The following SCAF1 variants were observed in gnomAD, a reference collection of about 807,000 sequenced individuals.
The protein encoded by SCAF1 is SR-related CTD associated factor 1.
SCAF1 carries 28 observed loss-of-function variants against 91.2 expected under a neutral mutation model. The observed-to-expected ratio is 0.31, with a 90% CI of 0.23 to 0.42. The LOEUF is 0.42. Among genes scored for constraint, SCAF1 ranks in the 10% least tolerant of loss-of-function variants. The pLI is 1.00. For synonymous variants in SCAF1, 1,036 were observed against 833.7 expected (o/e 1.24, Z -4.18); for missense variants, 1,893 against 1,872.1 (o/e 1.01, Z -0.21).
At chr19:49,650,016 C>T (rs746048479) in intron 6 of SCAF1, among the ~76,000 whole-genome samples, 26 of 152,224 alleles carry the variant, frequency 1.7e-4, no homozygotes, top group Admixed American at 5.2e-4. Context: ...TGTCAGCCAT[C>T]TCCATCGTGT....
chr19:49,651,012 C>CGGGG lies in SCAF1; in HGVS notation c.623_624insGGGG (p.Pro209GlyfsTer22). The CGGGG allele has an allele frequency of 1.2e-6, 1 of 838,314 alleles. No individual in the cohort carries two copies. Among genetic ancestry groups the CGGGG allele is most frequent in the Non-Finnish European group, 1.8e-6 (1 of 561,476 alleles). The allele number at this position is 838,314 out of a possible 1,614,324, so 51.9% of individuals were successfully genotyped here. A position where few individuals can be genotyped will look rare whatever the true frequency, so the allele number is the denominator to read the frequency against. On this transcript the variant is annotated frameshift_variant, in exon 7 of 11. Transcript: ENST00000360565. LOFTEE classifies it high-confidence loss of function. ...TCTCCCTCATCTTCCTCCCCTTCCC[C>CGGGG]TCCCCCACCCCCACCGCCCCCTGCA...
rs1306848398 is a variant in SCAF1 at position 49,651,809 on chromosome 19, GA to G, written c.1421del (p.Asp474AlafsTer14). 1.6e-6 allele frequency: 2 copies of G among 1,263,716 alleles called. No individual in the cohort carries two copies. The highest frequency in any genetic ancestry group is 3.2e-5 in the African/African-American group (2 of 62,280). The allele number at this position is 1,263,716 out of a possible 1,614,324, so 78.3% of individuals were successfully genotyped here. On this transcript the variant is annotated frameshift_variant, in exon 7 of 11. Transcript: ENST00000360565. LOFTEE classifies it high-confidence loss of function. ...GEPAPAPPAA[D>X]SRWGGLDLRR... ...GCCGGCTCCCGCGCCGCCCGCCGCCGACTCGCGCTGGGGCGGCCTGGACCTG... is the reference window on the plus strand; with the variant it reads ...GCCGGCTCCCGCGCCGCCCGCCGCCGCTCGCGCTGGGGCGGCCTGGACCTG...
In SCAF1 at chr19:49,658,335, G is replaced by T; in HGVS notation, c.3875G>T (p.Arg1292Leu). 6.3e-7 allele frequency: 1 copy of T among 1,585,642 alleles called. No homozygotes were observed. Among genetic ancestry groups the T allele is most frequent in the Non-Finnish European group, 8.6e-7 (1 of 1,168,006 alleles). ...RKPGDPPGPP[R>L]PPKEPGPPDK... Reference sequence around the variant, plus strand: ...CCAGGGGACCCCCCAGGGCCCCCACGGCCGCCCAAGGAGCCAGGGCCCCCA... The same window carrying T: ...CCAGGGGACCCCCCAGGGCCCCCACTGCCGCCCAAGGAGCCAGGGCCCCCA... Residue 1292 changes from arginine (R) to leucine (L), a missense_variant, in exon 11 of 11, where the codon CGG becomes CTG. This residue lies in a region of SCAF1 where 51 missense variants were observed against 49.9 expected (regional missense o/e 1.02). Transcript: ENST00000360565.
Position 49,646,866 on chromosome 19 carries a change from G to T in SCAF1, c.478+36G>T, listed in dbSNP as rs200030055. ...CCAGGGCGGAGCTGGGCAGGTGGTC[G>T]TGGAGTTGTGTGGGGATCGGCTGTT... On this transcript the variant is annotated intron_variant, in intron 6 of 10. Transcript: ENST00000360565. The surrounding 1 kb of genome is among the most constrained non-coding windows in gnomAD (Gnocchi z 5.6). 8.6e-6 allele frequency: 13 copies of T among 1,503,876 alleles called. No homozygotes were observed. Among genetic ancestry groups the T allele is most frequent in the African/African-American group, 2.8e-5 (2 of 72,116 alleles). The allele number at this position is 1,503,876 out of a possible 1,614,324, so 93.2% of individuals were successfully genotyped here.
rs916632490 is a variant in SCAF1, at chr19:49,658,409, C to G, written c.*10C>G. ...CCTGCCCCCTCTCTGAGAGCCCTGGCCAGCTCTTCGCCCCTCACCTCTTTG... is the reference window on the plus strand; with the variant it reads ...CCTGCCCCCTCTCTGAGAGCCCTGGGCAGCTCTTCGCCCCTCACCTCTTTG... On this transcript the variant is annotated 3_prime_UTR_variant, in exon 11 of 11. Transcript: ENST00000360565. 5 of 1,499,890 alleles carry G rather than the reference C, an allele frequency of 3.3e-6. No individual in the cohort carries two copies. The African/African-American group carries it at 7.0e-5, about 21-fold the overall frequency. The allele number at this position is 1,499,890 out of a possible 1,614,324, so 92.9% of individuals were successfully genotyped here. A position where few individuals can be genotyped will look rare whatever the true frequency, so the allele number is the denominator to read the frequency against.
rs540697505 is a variant in SCAF1 at position 49,646,515 on chromosome 19, G to T, written c.262-11G>T. The T allele has an allele frequency of 9.3e-6, 15 of 1,612,512 alleles. No homozygotes were observed. Among genetic ancestry groups the T allele is most frequent in the African/African-American group, 2.7e-5 (2 of 74,988 alleles). On this transcript the variant is annotated splice_polypyrimidine_tract_variant and intron_variant, in intron 4 of 10. Coordinates refer to ENST00000360565, the MANE Select transcript of SCAF1 (RefSeq NM_021228.3). This position sits in a 1 kb window ranked among gnomAD's most constrained non-coding sequence, Gnocchi z 5.6. ...CCAGGGACGGCGTAGAGCCTCTCTG[G>T]CCTCTTCCAGGTGTTGGACATGGCC...
intron 7 of SCAF1, 137 bp downstream of exon 7, chr19:49,653,842 T>A: frequency 2.4e-6 from 2 of 821,852 alleles, no homozygotes; most frequent in Non-Finnish European, 3.5e-6. Context: ...TGGGGGTGAG[T>A]AAAGGCCAGC....
intron 6 of SCAF1, among the ~76,000 whole-genome samples, chr19:49,648,700 C>T (rs905099438): frequency 1.5e-4 from 22 of 151,582 alleles, no homozygotes; most frequent in Admixed American, 1.1e-3. Flanking sequence ...GGGCTGGGCA[C>T]GGTGGCTCAC....
In SCAF1 at chr19:49,652,599, T is replaced by A. The variant is rs775658152; in HGVS notation, c.2210T>A (p.Leu737Gln). The A allele has an allele frequency of 6.4e-7, 1 of 1,566,280 alleles. No homozygotes were observed. The highest frequency in any genetic ancestry group is 1.2e-5 in the South Asian group (1 of 85,928). ...GAGGTCCTGTACGACTCCGAGGGACTGAGCGGCGAGGAGCGGGGCGGCAAG... is the reference window on the plus strand; with the variant it reads ...GAGGTCCTGTACGACTCCGAGGGACAGAGCGGCGAGGAGCGGGGCGGCAAG... Reference protein sequence around the residue: ...KREVLYDSEGLSGEERGGKSS... With the variant: ...KREVLYDSEGQSGEERGGKSS... Residue 737 changes from leucine (L) to glutamine (Q), a missense_variant, in exon 7 of 11, where the codon CTG becomes CAG. Physicochemically the swap from Leu to Gln is moderately radical, Grantham distance 113. Transcript: ENST00000360565.
At position 49,646,767 on chromosome 19, in the gene SCAF1, C is replaced by G; in HGVS notation, c.415C>G (p.Pro139Ala). ...VAEVRIGDRD[P>A]IPLPVPSLLP... The stretch of plus-strand genomic sequence containing the variant: ...TGAGGTCCGAATCGGGGACAGAGAT[C>G]CCATCCCTCTGCCTGTGCCCAGCCT... The change falls in exon 6 of 11, where the codon CCC (proline) becomes GCC (alanine). Residue 139 changes from proline (P) to alanine (A), a missense_variant. By Grantham distance (27) the Pro-to-Ala change is conservative. This residue lies in a region of SCAF1 where 270 missense variants were observed against 292.5 expected (regional missense o/e 0.92). Coordinates refer to ENST00000360565, the MANE Select transcript of SCAF1 (RefSeq NM_021228.3). The surrounding 1 kb of genome is among the most constrained non-coding windows in gnomAD (Gnocchi z 5.6). 1.2e-6 allele frequency: 2 copies of G among 1,613,900 alleles called. No individual in the cohort carries two copies. Among genetic ancestry groups the G allele is most frequent in the South Asian group, 2.2e-5 (2 of 91,050 alleles).
intron 6 of SCAF1, among the ~76,000 whole-genome samples, chr19:49,648,569 C>CCG (rs1364112894): frequency 6.6e-6 from 1 of 150,736 alleles, no homozygotes; most frequent in East Asian, 1.9e-4. Flanking sequence ...CACCCCCCCC[C>CCG]CTTTTTTTTT....
At chr19:49,649,778 A>AG (rs1483379584) in intron 6 of SCAF1, among the ~76,000 whole-genome samples, 2 of 152,052 alleles carry the variant, frequency 1.3e-5, no homozygotes, top group African/African-American at 4.8e-5. Context: ...TACAGGCATG[A>AG]GCCACCCCAC....
chr19:49,646,306 C>A lies in SCAF1; in HGVS notation c.261+104C>A. 2 of 1,024,366 alleles carry A rather than the reference C, an allele frequency of 2.0e-6. No homozygotes were observed. The highest frequency in any genetic ancestry group is 2.8e-6 in the Non-Finnish European group (2 of 706,704). 63.5% of individuals were successfully genotyped at this position (1,024,366 alleles called of 1,614,324 possible). A position where few individuals can be genotyped will look rare whatever the true frequency, so the allele number is the denominator to read the frequency against. On this transcript the variant is annotated intron_variant, in intron 4 of 10. Coordinates refer to ENST00000360565, the MANE Select transcript of SCAF1 (RefSeq NM_021228.3). This position sits in a 1 kb window ranked among gnomAD's most constrained non-coding sequence, Gnocchi z 5.6. ...GGGGTTTGGGGACCTGGACTCCTGG[C>A]TCTGCGATGCTGACCAGGGGCAATG...
intron 9 of SCAF1, among the ~76,000 whole-genome samples, chr19:49,655,811 C>T (rs115730720): frequency 0.013 from 1,909 of 152,296 alleles, 38 homozygotes; most frequent in African/African-American, 0.044. Flanking sequence ...GCTAGGACTA[C>T]AGGCACGCGC....
intron 10 of SCAF1, 137 bp downstream of exon 10, chr19:49,658,026 C>T (rs2081155166): frequency 2.3e-6 from 3 of 1,328,832 alleles, no homozygotes; most frequent in Non-Finnish European, 3.1e-6. Context: ...ACAGGATTTT[C>T]TCAAGGCCAC....
In SCAF1 at chr19:49,646,535, A is replaced by G. The variant is rs914487678; in HGVS notation, c.271A>G (p.Met91Val). Residue 91 changes from methionine (M) to valine (V), a missense_variant, in exon 5 of 11, where the codon ATG (methionine) becomes GTG (valine). Met to Val is a conservative substitution (Grantham distance 21, BLOSUM62 1). This residue lies in a region of SCAF1 where 270 missense variants were observed against 292.5 expected (regional missense o/e 0.92). Transcript: ENST00000360565. The surrounding 1 kb of genome is among the most constrained non-coding windows in gnomAD (Gnocchi z 5.6). Reference protein sequence around the residue: ...GGTDTATVLDMATDSFLAGLV... With the variant: ...GGTDTATVLDVATDSFLAGLV... ...CTCTGGCCTCTTCCAGGTGTTGGAC[A>G]TGGCCACGGACAGCTTCCTCGCAGG... The G allele has an allele frequency of 2.5e-6, 4 of 1,613,972 alleles. No homozygotes were observed. Among genetic ancestry groups the G allele is most frequent in the Non-Finnish European group, 3.4e-6 (4 of 1,179,914 alleles).
In SCAF1 at chr19:49,646,407, C is replaced by T; in HGVS notation, c.262-119C>T. ...GCAGTCAGGCTATAGGAATTAGATC[C>T]TCAGTTTTCTTGGGGATCTTAGATG... On this transcript the variant is annotated intron_variant, in intron 4 of 10. Coordinates refer to ENST00000360565, the MANE Select transcript of SCAF1 (RefSeq NM_021228.3). The surrounding 1 kb of genome is among the most constrained non-coding windows in gnomAD (Gnocchi z 5.6). 4 of 971,078 alleles carry T rather than the reference C, an allele frequency of 4.1e-6. No individual in the cohort carries two copies. The highest frequency in any genetic ancestry group is 1.9e-5 in the Admixed American group (1 of 52,496). 60.2% of individuals were successfully genotyped at this position (971,078 alleles called of 1,614,324 possible). A position where few individuals can be genotyped will look rare whatever the true frequency, so the allele number is the denominator to read the frequency against.
Position 49,654,430 on chromosome 19 carries a change from A to AGGTG in SCAF1, c.3399+2_3399+5dup. The stretch of plus-strand genomic sequence containing the variant: ...CAGGAGCTGATCCAGGCCACCAACC[A>AGGTG]GGTGGGCTCCCCTGGGGGAGAGTCC... On this transcript the variant is annotated frameshift_variant and splice_region_variant, in exon 8 of 11. Transcript: ENST00000360565. LOFTEE classifies it high-confidence loss of function. The AGGTG allele has an allele frequency of 6.2e-7, 1 of 1,612,522 alleles. No individual in the cohort carries two copies. The highest frequency in any genetic ancestry group is 8.5e-7 in the Non-Finnish European group (1 of 1,179,360).
intron 1 of SCAF1, among the ~76,000 whole-genome samples, chr19:49,644,464 C>A (rs2081043318): frequency 6.6e-6 from 1 of 152,140 alleles, no homozygotes. Context: ...ATGAAGTTTC[C>A]AACTTAGGTG....
Sources: allele counts gnomAD v4.1 joint callset (sites outside exome capture counted in the v4.1 genomes callset), GRCh38; gene constraint gnomAD v4.1.1; regional missense constraint gnomAD v4.1.1; non-coding constraint Gnocchi (gnomAD v3.1); transcripts MANE v1.5; gene names NCBI Gene and HGNC (gene_info 2026-07-23, HGNC 2026-07-21).